The following AK7 variants were observed in gnomAD, a reference collection of about 807,000 sequenced individuals.
The protein encoded by AK7 is ATP-AMP transphosphorylase 7.
Under a neutral mutation model 96.6 loss-of-function variants are expected in AK7, and 78 were observed. The ratio of observed to expected loss-of-function variants is 0.81; its 90% confidence interval spans 0.67 to 0.97. AK7 has a LOEUF of 0.97. Among genes scored for constraint, AK7 ranks in the 50% least tolerant of loss-of-function variants. AK7 has a pLI of 0.00. For missense variants in AK7, 855 were observed against 887.9 expected, an observed-to-expected ratio of 0.96 and a Z score of 0.47; for synonymous variants, 302 against 317.2, an observed-to-expected ratio of 0.95 and a Z score of 0.51.
chr14:96,463,476 T>C (rs1008996357), intron 12 of AK7, among the ~76,000 whole-genome samples: 14 of 151,698 alleles, frequency 9.2e-5, no homozygotes, highest in Non-Finnish European at 1.8e-4. Context: ...TCCCAGCACT[T>C]TGGGAGGCCG....
At chr14:96,404,110 C>A (rs1890566364) in intron 2 of AK7, among the ~76,000 whole-genome samples, 3 of 143,468 alleles carry the variant, frequency 2.1e-5, no homozygotes, top group Admixed American at 1.4e-4. Context: ...CGCCACTGCA[C>A]TCCAGCCTGG....
chr14:96,460,394 T>C lies in AK7; in HGVS notation c.1357+2182T>C, dbSNP rs555673492. Among the ~76,000 whole-genome samples the C allele has an allele frequency of 2.0e-5, 3 of 152,292 alleles. No individual in the cohort carries two copies. The South Asian group carries it at 6.2e-4, about 32-fold the overall frequency. Reference sequence around the variant, plus strand: ...TTCCTTCCTCCTCCCTTCTTGCTGGTGGCCATTTCTGATCCTCCAGGGATC... The same window carrying C: ...TTCCTTCCTCCTCCCTTCTTGCTGGCGGCCATTTCTGATCCTCCAGGGATC... On this transcript the variant is annotated intron_variant, in intron 12 of 17. Transcript: ENST00000267584.
At chr14:96,410,014 A>G (rs1463790862) in intron 4 of AK7, among the ~76,000 whole-genome samples, 1 of 152,206 alleles carries the variant, frequency 6.6e-6, no homozygotes, top group Non-Finnish European at 1.5e-5. Flanking sequence ...GATCCCAGAT[A>G]TGTTCTAATT....
chr14:96,475,172 A>G (rs1895104559), intron 14 of AK7, among the ~76,000 whole-genome samples: 1 of 152,218 alleles, frequency 6.6e-6, no homozygotes, highest in South Asian at 2.1e-4. Context: ...GTTGTTAGCA[A>G]ACTTTTCAGA....
chr14:96,400,422 C>T (rs1040988899), intron 2 of AK7, among the ~76,000 whole-genome samples: 2 of 151,986 alleles, frequency 1.3e-5, no homozygotes, highest in African/African-American at 4.8e-5. Flanking sequence ...TGTGTTGGAC[C>T]GCATGTAATA....
intron 5 of AK7, among the ~76,000 whole-genome samples, chr14:96,423,233 G>A (rs777538291): frequency 6.6e-6 from 1 of 152,216 alleles, no homozygotes; most frequent in Non-Finnish European, 1.5e-5. Context: ...CTCATTGCGA[G>A]CCTCTGGTTG....
intron 4 of AK7, among the ~76,000 whole-genome samples, chr14:96,413,210 A>G (rs1207721732): frequency 6.6e-6 from 1 of 152,144 alleles, no homozygotes; most frequent in East Asian, 1.9e-4. Context: ...GAGGACAAAG[A>G]GGGTCCCCAC....
chr14:96,464,390 A>G (rs1458525315), intron 12 of AK7, among the ~76,000 whole-genome samples: 1 of 151,828 alleles, frequency 6.6e-6, no homozygotes, highest in Non-Finnish European at 1.5e-5. Flanking sequence ...TCTACAAAAA[A>G]TACAAAAAAA....
chr14:96,468,601 C>T (rs1342794169), intron 12 of AK7, among the ~76,000 whole-genome samples: 1 of 152,034 alleles, frequency 6.6e-6, no homozygotes, highest in East Asian at 1.9e-4. Context: ...CCGGCCTGCA[C>T]TCTTTCCTTT....
chr14:96,408,843 A>C lies in AK7; in HGVS notation c.404-4A>C, dbSNP rs748135276. 6.2e-7 allele frequency: 1 copy of C among 1,613,986 alleles called. No individual in the cohort carries two copies. Among genetic ancestry groups the C allele is most frequent in the African/African-American group, 1.3e-5 (1 of 74,920 alleles). The stretch of plus-strand genomic sequence containing the variant: ...AATAACCACTCTGCTTTTTGGCCCC[A>C]CAGCACTCAGTGAAGAAGTCAGCCA... On this transcript the variant is annotated splice_region_variant and splice_polypyrimidine_tract_variant and intron_variant, in intron 3 of 17. Transcript: ENST00000267584.
At chr14:96,445,691 A>G (rs1009564564) in intron 7 of AK7, among the ~76,000 whole-genome samples, 2 of 152,156 alleles carry the variant, frequency 1.3e-5, no homozygotes, top group Non-Finnish European at 2.9e-5. Flanking sequence ...ATAAATAAAT[A>G]TAGAAAAAAA....
chr14:96,429,603 G>A (rs1240060625), intron 5 of AK7, among the ~76,000 whole-genome samples: 1 of 152,182 alleles, frequency 6.6e-6, no homozygotes, highest in African/African-American at 2.4e-5. Flanking sequence ...AGCATGGAAT[G>A]TTCTTCCAAT....
intron 2 of AK7, 167 bp downstream of exon 2, chr14:96,398,430 C>T (rs146556378): frequency 1.3e-5 from 9 of 682,900 alleles, no homozygotes; most frequent in Non-Finnish European, 1.9e-5. Flanking sequence ...CCTCACAGAC[C>T]CCACTTTTAA....
At chr14:96,422,534 C>T (rs1016246760) in intron 5 of AK7, among the ~76,000 whole-genome samples, 4 of 152,166 alleles carry the variant, frequency 2.6e-5, no homozygotes, top group African/African-American at 9.7e-5. Flanking sequence ...ATAGGCTCCC[C>T]ACAAGGGTCG....
In AK7 at chr14:96,451,889, C is replaced by T. The variant is rs527500651; in HGVS notation, c.1098+319C>T. Reference sequence around the variant, plus strand: ...TAGATAATAATGTACGCAAATTGCACATGATAGCAAGCTCAAGAGTGATGT... The same window carrying T: ...TAGATAATAATGTACGCAAATTGCATATGATAGCAAGCTCAAGAGTGATGT... On this transcript the variant is annotated intron_variant, in intron 10 of 17. Transcript: ENST00000267584. Among the ~76,000 whole-genome samples the T allele has an allele frequency of 3.9e-5, 6 of 152,170 alleles. No homozygotes were observed. In the East Asian group the frequency reaches 1.2e-3, roughly 29 times the overall value.
chr14:96,430,506 C>T (rs138370193), intron 5 of AK7, among the ~76,000 whole-genome samples: 152 of 152,086 alleles, frequency 1.0e-3, no homozygotes, highest in African/African-American at 3.4e-3. Flanking sequence ...TGAATTTTGT[C>T]GAAGGCCTTT....
intron 3 of AK7, among the ~76,000 whole-genome samples, chr14:96,408,646 C>A (rs1380593219): frequency 2.0e-5 from 3 of 152,172 alleles, no homozygotes; most frequent in Non-Finnish European, 4.4e-5. Flanking sequence ...TGTGAACAAC[C>A]TGCTGGGATC....
At chr14:96,453,832 TC>T (rs1893740266) in intron 10 of AK7, among the ~76,000 whole-genome samples, 1 of 152,172 alleles carries the variant, frequency 6.6e-6, no homozygotes, top group Non-Finnish European at 1.5e-5. Context: ...CCACCCTTGG[TC>T]CGTGGACAAA....
At chr14:96,450,768 CTTTTTTTTTT>C (rs937558741) in intron 9 of AK7, among the ~76,000 whole-genome samples, 1 of 93,178 alleles carries the variant, frequency 1.1e-5, no homozygotes. Flanking sequence ...ATATTTTTCT[CTTTTTTTTTT>C]TTTTTTTTTT....
Sources: gnomAD v4.1 joint callset for allele counts (sites outside exome capture counted in the v4.1 genomes callset) on GRCh38, gnomAD v4.1.1 for gene constraint, MANE v1.5 for transcripts, NCBI Gene and HGNC (gene_info 2026-07-23, HGNC 2026-07-21) for gene names.